ATP2C2: variants seen among roughly 807,000 people sequenced by gnomAD.
The protein encoded by ATP2C2 is calcium-transporting ATPase type 2C member 2.
ATP2C2 carries 171 observed loss-of-function variants against 110.8 expected under a neutral mutation model. That is an observed-to-expected ratio of 1.54 (90% CI 1.36 to 1.75). ATP2C2 has a LOEUF of 1.75. Among genes scored for constraint, ATP2C2 ranks in the 40% most tolerant of loss-of-function variants. The probability of loss-of-function intolerance (pLI) is 0.00; values close to 1 mark genes in which losing one functional copy is unlikely to be tolerated. For missense variants in ATP2C2, 1,963 were observed against 1,235.0 expected, an observed-to-expected ratio of 1.59 and a Z score of -8.84; for synonymous variants, 804 against 508.4, an observed-to-expected ratio of 1.58 and a Z score of -7.82.
At chr16:84,462,695 A>G (rs1049777567) in intron 26 of ATP2C2, 4 of 153,156 alleles carry the variant, frequency 2.6e-5, no homozygotes, top group African/African-American at 9.7e-5. Context: ...TATGGCAGGC[A>G]TGGGGCAAGG....
chr16:84,462,134 G>A lies in ATP2C2; in HGVS notation c.2722+5G>A, dbSNP rs72806654. On this transcript the variant is annotated splice_donor_5th_base_variant and intron_variant, in intron 26 of 26. Coordinates refer to ENST00000262429, the MANE Select transcript of ATP2C2 (RefSeq NM_014861.4). ...CGGAGAACCTGGGAGCGCTTGGTGA[G>A]TGGTGGGGACGGGAACGACAGGTGA... 6.2e-7 allele frequency: 1 copy of A among 1,611,716 alleles called. No individual in the cohort carries two copies. Among genetic ancestry groups the A allele is most frequent in the Non-Finnish European group, 8.5e-7 (1 of 1,178,476 alleles).
intron 7 of ATP2C2, among the ~76,000 whole-genome samples, chr16:84,421,915 C>G (rs147446156): frequency 2.0e-3 from 298 of 152,134 alleles, no homozygotes; most frequent in African/African-American, 7.0e-3. Context: ...TCTCCCTTCC[C>G]TTTGCCAGGG....
chr16:84,456,284 T>C (rs530281875), intron 21 of ATP2C2, among the ~76,000 whole-genome samples: 2 of 151,000 alleles, frequency 1.3e-5, no homozygotes, highest in African/African-American at 4.9e-5. Flanking sequence ...GGTAAACTAT[T>C]GATTATTGTC....
chr16:84,437,263 C>T (rs532539733), intron 11 of ATP2C2, among the ~76,000 whole-genome samples: 24 of 152,110 alleles, frequency 1.6e-4, no homozygotes, highest in Middle Eastern at 3.4e-3. Flanking sequence ...TCATGGCCCA[C>T]TGCAGCCTCA....
intron 6 of ATP2C2, among the ~76,000 whole-genome samples, chr16:84,413,683 C>A (rs1446908341): frequency 6.6e-6 from 1 of 152,130 alleles, no homozygotes; most frequent in East Asian, 1.9e-4. Flanking sequence ...TGTACAAAAG[C>A]AGCGGTGTCG....
chr16:84,391,548 G>C (rs748144250), intron 1 of ATP2C2, among the ~76,000 whole-genome samples: 1 of 152,236 alleles, frequency 6.6e-6, no homozygotes, highest in Non-Finnish European at 1.5e-5. Context: ...AAGAAAAGCA[G>C]ACAGAGACGC....
chr16:84,404,953 C>G, intron 2 of ATP2C2, 175 bp from the exon 3 acceptor site: 1 of 707,664 alleles, frequency 1.4e-6, no homozygotes, highest in Non-Finnish European at 2.6e-6. Context: ...GCCTTTTCCT[C>G]CTCTCTCTGC....
In ATP2C2 at chr16:84,460,709, C is replaced by T. The variant is rs62050917; in HGVS notation, c.2389C>T (p.Arg797Trp). Residue 797 changes from arginine (R) to tryptophan (W), a missense_variant, in exon 24 of 27, where the codon CGG (arginine) becomes TGG (tryptophan). Transcript: ENST00000262429. ...CTTCAGGCAGCCACCACGGAGTGTGCGGGACACCATCCTCAGCAGAGCCCT... is the reference window on the plus strand; with the variant it reads ...CTTCAGGCAGCCACCACGGAGTGTGTGGGACACCATCCTCAGCAGAGCCCT... ...DAFRQPPRSV[R>W]DTILSRALIL... 15,912 of 1,614,198 alleles carry T rather than the reference C, an allele frequency of 9.9e-3. 103 individuals are homozygous for T. The highest frequency in any genetic ancestry group is 0.013 in the Middle Eastern group (77 of 6,062).
chr16:84,380,548 G>C (rs1347901279), intron 1 of ATP2C2, among the ~76,000 whole-genome samples: 1 of 152,166 alleles, frequency 6.6e-6, no homozygotes, highest in African/African-American at 2.4e-5. Flanking sequence ...TGATCAGTTT[G>C]CGGTAATCAG....
intron 7 of ATP2C2, among the ~76,000 whole-genome samples, chr16:84,421,397 A>C (rs913715124): frequency 1.3e-5 from 2 of 152,206 alleles, no homozygotes; most frequent in African/African-American, 4.8e-5. Flanking sequence ...ATATTTTTAA[A>C]AGATGACTAC....
intron 12 of ATP2C2, 41 bp from the exon 13 acceptor site, chr16:84,439,386 A>G: frequency 6.3e-7 from 1 of 1,589,806 alleles, no homozygotes; most frequent in Non-Finnish European, 8.5e-7. Context: ...AAGCCTGAGG[A>G]TGGCAACTTC....
intron 1 of ATP2C2, among the ~76,000 whole-genome samples, chr16:84,377,855 C>T (rs1008017094): frequency 6.6e-6 from 1 of 152,126 alleles, no homozygotes; most frequent in African/African-American, 2.4e-5. Context: ...CTTGAGGCTG[C>T]AGCCCCTCTG....
intron 1 of ATP2C2, among the ~76,000 whole-genome samples, chr16:84,398,156 C>A (rs901001157): frequency 6.6e-6 from 1 of 151,912 alleles, no homozygotes; most frequent in East Asian, 1.9e-4. Context: ...AATCCCAGCA[C>A]TTTGGGAGGC....
chr16:84,442,394 T>G (rs1909345546), intron 14 of ATP2C2, 116 bp from the exon 15 acceptor site: 1 of 935,836 alleles, frequency 1.1e-6, no homozygotes, highest in Non-Finnish European at 1.7e-6. Flanking sequence ...CTGAGTTGTT[T>G]TAAAGAGCAA....
At chr16:84,368,808 C>G in intron 1 of ATP2C2, 94 bp downstream of exon 1, 1 of 1,109,742 alleles carries the variant, frequency 9.0e-7, no homozygotes, top group Non-Finnish European at 1.3e-6. Context: ...GTTCGCGCTG[C>G]GATCCGCGAA....
At chr16:84,428,536 C>T (rs887050639) in intron 11 of ATP2C2, among the ~76,000 whole-genome samples, 2 of 152,016 alleles carry the variant, frequency 1.3e-5, no homozygotes, top group African/African-American at 2.4e-5. Flanking sequence ...ACACCAAATG[C>T]TGAGAGCACA....
chr16:84,408,004 C>A (rs1609478), intron 3 of ATP2C2, among the ~76,000 whole-genome samples: 49 of 152,172 alleles, frequency 3.2e-4, no homozygotes, highest in Non-Finnish European at 6.0e-4. Context: ...CAGGAGCAGG[C>A]TGTTACTGAG....
intron 2 of ATP2C2, among the ~76,000 whole-genome samples, chr16:84,403,071 T>A (rs1905444243): frequency 6.6e-6 from 1 of 152,236 alleles, no homozygotes. Flanking sequence ...TATTGGCATA[T>A]AGTTGCTCCT....
intron 7 of ATP2C2, among the ~76,000 whole-genome samples, chr16:84,421,869 G>C (rs1019398264): frequency 6.6e-6 from 1 of 152,146 alleles, no homozygotes; most frequent in African/African-American, 2.4e-5. Flanking sequence ...TGCGCACAGG[G>C]CCTGGTGTGT....
Sources: allele counts gnomAD v4.1 joint callset (sites outside exome capture counted in the v4.1 genomes callset), GRCh38; gene constraint gnomAD v4.1.1; transcripts MANE v1.5; gene names NCBI Gene and HGNC (gene_info 2026-07-23, HGNC 2026-07-21).